Variants in HPCAL1 observed in about 807,000 individuals in gnomAD.
HPCAL1 encodes hippocalcin-like protein 1.
A neutral mutation model predicts 17.1 loss-of-function variants in HPCAL1; 8 were observed. That is an observed-to-expected ratio of 0.47 (90% CI 0.27 to 0.84). HPCAL1 has a LOEUF of 0.84. Ranked by LOEUF, HPCAL1 falls within the 40% of genes least tolerant of loss-of-function variation. The probability of loss-of-function intolerance (pLI) is 0.13; values close to 1 mark genes in which losing one functional copy is unlikely to be tolerated. For missense variants in HPCAL1, 165 were observed against 271.1 expected, an observed-to-expected ratio of 0.61 and a Z score of 2.75; for synonymous variants, 112 against 111.4, an observed-to-expected ratio of 1.01 and a Z score of -0.03.
intron 1 of HPCAL1, among the ~76,000 whole-genome samples, chr2:10,324,597 C>T (rs931459134): frequency 2.6e-5 from 4 of 152,012 alleles, no homozygotes; most frequent in Non-Finnish European, 4.4e-5. Flanking sequence ...TGGTTTTCAG[C>T]CTATGTTTTG....
At chr2:10,371,357 A>G (rs924903728) in intron 1 of HPCAL1, among the ~76,000 whole-genome samples, 16 of 136,686 alleles carry the variant, frequency 1.2e-4, no homozygotes, top group Admixed American at 1.0e-3. Context: ...CTCCTCCAAG[A>G]AGAGCTTTTC....
chr2:10,349,702 CAAAAAAAAAAAAAAAAAAAAAAA>C (rs55897775), intron 1 of HPCAL1, among the ~76,000 whole-genome samples: 4,550 of 52,756 alleles, frequency 0.086, 203 homozygotes, highest in Admixed American at 0.15. Context: ...GACTCTGTCT[CAAAAAAAAAAAAAAAAAAAAAAA>C]AAAAAAAAAA....
intron 1 of HPCAL1, among the ~76,000 whole-genome samples, chr2:10,334,695 C>CTTTTTTTTTTT (rs553228833): frequency 1.4e-5 from 2 of 146,330 alleles, no homozygotes; most frequent in Non-Finnish European, 1.5e-5. Flanking sequence ...ATTCCATTGA[C>CTTTTTTTTTTT]TTTTTTTTGA....
rs1030784715 is a variant in HPCAL1, at chr2:10,363,069, C to T, written c.-110-33766C>T. 2.0e-5 allele frequency among the ~76,000 whole-genome samples: 3 copies of T among 152,156 alleles called. No homozygotes were observed. The highest frequency in any genetic ancestry group is 7.2e-5 in the African/African-American group (3 of 41,432). ...CTAGGAGGTTGAGGCTGCAGTGAAC[C>T]ATGATCATACCACTGCATTCCAGCC... is the stretch of plus-strand genomic sequence containing the variant. On this transcript the variant is annotated intron_variant, in intron 1 of 4. Coordinates refer to ENST00000307845, the MANE Select transcript of HPCAL1 (RefSeq NM_002149.4). The surrounding 1 kb of genome is among the most constrained non-coding windows in gnomAD (Gnocchi z 4.7).
In HPCAL1 at chr2:10,359,939, C is replaced by T. The variant is rs190069514; in HGVS notation, c.-110-36896C>T. 1.7e-4 allele frequency among the ~76,000 whole-genome samples: 26 copies of T among 152,198 alleles called. No individual in the cohort carries two copies. The highest frequency in any genetic ancestry group is 6.0e-4 in the African/African-American group (25 of 41,520). ...CGCCCGCCGGGTCCACAGCGCCCGC[C>T]GGGTCCACAGCGCCCACCAGGTTTG... is the stretch of plus-strand genomic sequence containing the variant. On this transcript the variant is annotated intron_variant, in intron 1 of 4. Coordinates refer to ENST00000307845, the MANE Select transcript of HPCAL1 (RefSeq NM_002149.4). This position sits in a 1 kb window ranked among gnomAD's most constrained non-coding sequence, Gnocchi z 4.1.
In HPCAL1 at chr2:10,426,941, G is replaced by A; in HGVS notation, c.*120G>A. On this transcript the variant is annotated 3_prime_UTR_variant, in exon 5 of 5. Transcript: ENST00000307845. ...CTCCCGGGCCCCGGGCCTGGGGCAT[G>A]CGTTGCACCTGCCCAGCCCGGTGGC... 4 of 899,438 alleles carry A rather than the reference G, an allele frequency of 4.4e-6. 1 individual carries two copies. The South Asian group carries it at 5.7e-5, about 13-fold the overall frequency. 55.7% of individuals were successfully genotyped at this position (899,438 alleles called of 1,614,324 possible).
At position 10,303,172 on chromosome 2, in the gene HPCAL1, G is replaced by C. The variant is rs114933097; in HGVS notation, c.-116G>C. ...AGCCGGCGGACCGCGTCCTGCGCCG[G>C]AGCAGGTAGGGAAGGGGCGGGCTGC... On this transcript the variant is annotated 5_prime_UTR_variant, in exon 1 of 5. Coordinates refer to ENST00000307845, the MANE Select transcript of HPCAL1 (RefSeq NM_002149.4). 6.6e-6 allele frequency: 1 copy of C among 152,050 alleles called. No individual in the cohort carries two copies. Among genetic ancestry groups the C allele is most frequent in the East Asian group, 1.9e-4 (1 of 5,168 alleles). The allele number at this position is 152,050 out of a possible 1,614,324, so 9.4% of individuals were successfully genotyped here.
At chr2:10,387,255 G>C (rs998632413) in intron 1 of HPCAL1, among the ~76,000 whole-genome samples, 1 of 152,238 alleles carries the variant, frequency 6.6e-6, no homozygotes, top group Non-Finnish European at 1.5e-5. Context: ...CCAGCCTCAC[G>C]GCCTCCTCAG....
In HPCAL1 at chr2:10,354,819, C is replaced by G. The variant is rs531705084; in HGVS notation, c.-110-42016C>G. 3.9e-5 allele frequency among the ~76,000 whole-genome samples: 6 copies of G among 152,346 alleles called. No homozygotes were observed. The South Asian group carries it at 1.2e-3, about 32-fold the overall frequency. On this transcript the variant is annotated intron_variant, in intron 1 of 4. Coordinates refer to ENST00000307845, the MANE Select transcript of HPCAL1 (RefSeq NM_002149.4). This position sits in a 1 kb window ranked among gnomAD's most constrained non-coding sequence, Gnocchi z 5.1. ...ACGTGTCTGATCTTAAATACACAGCCCTGCGTGCTGACCTTGTGTTAGAAC... is the reference window on the plus strand; with the variant it reads ...ACGTGTCTGATCTTAAATACACAGCGCTGCGTGCTGACCTTGTGTTAGAAC...
chr2:10,399,131 G>A (rs1199996732), intron 2 of HPCAL1, among the ~76,000 whole-genome samples: 1 of 151,252 alleles, frequency 6.6e-6, no homozygotes, highest in Non-Finnish European at 1.5e-5. Flanking sequence ...AGAGGGTAGA[G>A]GAGGTGGTCC....
At chr2:10,317,186 G>T (rs776111127) in intron 1 of HPCAL1, among the ~76,000 whole-genome samples, 1 of 152,182 alleles carries the variant, frequency 6.6e-6, no homozygotes, top group African/African-American at 2.4e-5. Flanking sequence ...TCTAAACACA[G>T]ATCAGATGTT....
intron 2 of HPCAL1, chr2:10,408,449 GC>G (rs1670110981): frequency 6.6e-6 from 1 of 152,282 alleles, no homozygotes. Context: ...TTTCAGGAAG[GC>G]CTCCAGAAAT....
chr2:10,359,547 C>T lies in HPCAL1; in HGVS notation c.-110-37288C>T, dbSNP rs1304390590. Reference sequence around the variant, plus strand: ...CTCCCACCCTCTGTCCCTCGGGGACCCCACTTCCCAGGTGGCCTGGAGGAT... The same window carrying T: ...CTCCCACCCTCTGTCCCTCGGGGACTCCACTTCCCAGGTGGCCTGGAGGAT... On this transcript the variant is annotated intron_variant, in intron 1 of 4. Coordinates refer to ENST00000307845, the MANE Select transcript of HPCAL1 (RefSeq NM_002149.4). This position sits in a 1 kb window ranked among gnomAD's most constrained non-coding sequence, Gnocchi z 4.1. Among the ~76,000 whole-genome samples, 1 of 152,244 alleles carries T rather than the reference C, an allele frequency of 6.6e-6. No homozygotes were observed. The highest frequency in any genetic ancestry group is 1.5e-5 in the Non-Finnish European group (1 of 68,042).
At chr2:10,393,959 G>GAAAA (rs34916252) in intron 1 of HPCAL1, among the ~76,000 whole-genome samples, 47 of 129,810 alleles carry the variant, frequency 3.6e-4, no homozygotes, top group African/African-American at 1.4e-3. Flanking sequence ...TACTAAAAAT[G>GAAAA]AAAAAAAAAA....
intron 1 of HPCAL1, among the ~76,000 whole-genome samples, chr2:10,303,539 T>G (rs964197132): frequency 8.5e-5 from 13 of 152,090 alleles, no homozygotes; most frequent in Non-Finnish European, 1.8e-4. Context: ...GTGTGGGTGG[T>G]CCAGCCCCAC....
intron 1 of HPCAL1, among the ~76,000 whole-genome samples, chr2:10,315,730 C>T (rs1011687331): frequency 6.6e-6 from 1 of 152,102 alleles, no homozygotes; most frequent in Non-Finnish European, 1.5e-5. Flanking sequence ...ATTCAGTCCA[C>T]GTGCGGTGGC....
intron 1 of HPCAL1, among the ~76,000 whole-genome samples, chr2:10,318,656 A>G (rs6732968): frequency 0.78 from 119,153 of 152,132 alleles, 47,012 homozygotes; most frequent in East Asian, 0.99. Context: ...TGATCTGAAT[A>G]AGAAAACAAA....
intron 1 of HPCAL1, among the ~76,000 whole-genome samples, chr2:10,345,180 T>C (rs1372698392): frequency 1.3e-5 from 2 of 152,174 alleles, no homozygotes; most frequent in African/African-American, 2.4e-5. Flanking sequence ...TCTCTCTATC[T>C]CTGTGCCTGC....
intron 1 of HPCAL1, among the ~76,000 whole-genome samples, chr2:10,350,348 C>A (rs1665766733): frequency 7.2e-6 from 1 of 138,630 alleles, no homozygotes; most frequent in Non-Finnish European, 1.5e-5. Context: ...GAGGCAGGGT[C>A]TTGCTCTGTT....
Sources: allele counts gnomAD v4.1 joint callset (sites outside exome capture counted in the v4.1 genomes callset), GRCh38; gene constraint gnomAD v4.1.1; non-coding constraint Gnocchi (gnomAD v3.1); transcripts MANE v1.5; gene names NCBI Gene and HGNC (gene_info 2026-07-23, HGNC 2026-07-21).